NCAM2: variants seen among roughly 807,000 people sequenced by gnomAD.
The protein encoded by NCAM2 is neural cell adhesion molecule 2, also known as N-CAM-2.
In NCAM2, 30 loss-of-function variants were observed where a neutral mutation model predicts 98.1. That is an observed-to-expected ratio of 0.31 (90% confidence interval 0.23 to 0.41). NCAM2 has a LOEUF of 0.41. Ranked by LOEUF, NCAM2 falls within the 10% of genes least tolerant of loss-of-function variation. NCAM2 has a pLI of 1.00. For missense variants in NCAM2, 867 were observed against 1,005.8 expected (o/e 0.86, Z 1.87); for synonymous variants, 368 against 342.4 (o/e 1.07, Z -0.83).
At chr21:21,107,680 C>T (rs1042959355) in intron 1 of NCAM2, among the ~76,000 whole-genome samples, 3 of 152,096 alleles carry the variant, frequency 2.0e-5, no homozygotes, top group Admixed American at 1.3e-4. Context: ...AAGGGGCTTA[C>T]TGTGGTAACT....
In NCAM2 at chr21:21,308,544, G is replaced by C. The variant is rs192305896; in HGVS notation, c.620-15839G>C. On this transcript the variant is annotated intron_variant, in intron 5 of 17. Coordinates refer to ENST00000400546, the MANE Select transcript of NCAM2 (RefSeq NM_004540.5). ...CCAACCAGTCACCCCCAGATTCTTA[G>C]AGATTTTTGCTTTATCGCTTTTCTT... 5.3e-5 allele frequency among the ~76,000 whole-genome samples: 8 copies of C among 152,128 alleles called. No homozygotes were observed. The East Asian group carries it at 1.5e-3, about 29-fold the overall frequency.
chr21:21,424,001 A>G (rs1044826508), intron 11 of NCAM2, among the ~76,000 whole-genome samples: 2 of 152,184 alleles, frequency 1.3e-5, no homozygotes, highest in Non-Finnish European at 1.5e-5. Context: ...CCTTTGCTCC[A>G]TAACACTTGA....
intron 9 of NCAM2, among the ~76,000 whole-genome samples, chr21:21,377,594 A>G (rs573320488): frequency 1.2e-3 from 181 of 152,024 alleles, no homozygotes; most frequent in African/African-American, 4.2e-3. Context: ...AATTGTATCC[A>G]TTTATGGGGT....
At chr21:21,018,008 A>T (rs1568931673) in intron 1 of NCAM2, among the ~76,000 whole-genome samples, 2 of 152,172 alleles carry the variant, frequency 1.3e-5, no homozygotes, top group Non-Finnish European at 2.9e-5. Flanking sequence ...TAGTTTCATT[A>T]GTACTGAAAT....
chr21:21,076,208 A>G (rs182115361), intron 1 of NCAM2, among the ~76,000 whole-genome samples: 3 of 152,238 alleles, frequency 2.0e-5, no homozygotes, highest in Admixed American at 1.3e-4. Context: ...TGAGCTGAAA[A>G]CTTTCTTCTC....
chr21:21,023,087 G>T (rs2064469746), intron 1 of NCAM2, among the ~76,000 whole-genome samples: 1 of 152,228 alleles, frequency 6.6e-6, no homozygotes. Context: ...TGGGAAGTAA[G>T]AAAGATAACT....
chr21:21,136,486 G>C (rs1189260424), intron 1 of NCAM2, among the ~76,000 whole-genome samples: 1 of 150,090 alleles, frequency 6.7e-6, no homozygotes, highest in Admixed American at 6.6e-5. Context: ...TTTGGAGACG[G>C]AGTCTCATTC....
chr21:21,482,375 C>T lies in NCAM2; in HGVS notation c.2077+4904C>T, dbSNP rs551068665. Among the ~76,000 whole-genome samples, 424 of 152,016 alleles carry T rather than the reference C, an allele frequency of 2.8e-3. 5 individuals carry two copies. Among genetic ancestry groups the T allele is most frequent in the Non-Finnish European group, 4.0e-3 (270 of 67,958 alleles). ...TTTTAAAATGAAATATAAATTCAAA[C>T]ATATTAGAAATAAGTTATCTGTAAT... On this transcript the variant is annotated intron_variant, in intron 15 of 17. Coordinates refer to ENST00000400546, the MANE Select transcript of NCAM2 (RefSeq NM_004540.5).
intron 12 of NCAM2, among the ~76,000 whole-genome samples, chr21:21,453,061 A>G (rs1349008945): frequency 7.9e-6 from 1 of 126,264 alleles, no homozygotes; most frequent in Non-Finnish European, 1.6e-5. Context: ...AAAAATATAA[A>G]TATATTTATA....
At chr21:21,051,540 G>T (rs747191990) in intron 1 of NCAM2, among the ~76,000 whole-genome samples, 1 of 152,212 alleles carries the variant, frequency 6.6e-6, no homozygotes, top group South Asian at 2.1e-4. Context: ...AATGCAAATT[G>T]TTTGCAACTC....
intron 16 of NCAM2, among the ~76,000 whole-genome samples, chr21:21,509,544 A>C (rs1379828411): frequency 1.3e-5 from 2 of 152,320 alleles, no homozygotes; most frequent in African/African-American, 4.8e-5. Flanking sequence ...GATATGTGCT[A>C]TAAAATACAA....
At chr21:21,182,971 C>T (rs2068527635) in intron 1 of NCAM2, among the ~76,000 whole-genome samples, 1 of 152,032 alleles carries the variant, frequency 6.6e-6, no homozygotes, top group East Asian at 1.9e-4. Context: ...AAATTTTGAA[C>T]GTGTACTTTT....
In NCAM2 at chr21:21,175,755, A is replaced by G. The variant is rs1391936770; in HGVS notation, c.56-104823A>G. Among the ~76,000 whole-genome samples the G allele has an allele frequency of 2.0e-5, 3 of 152,214 alleles. No individual in the cohort carries two copies. In the East Asian group the frequency reaches 5.8e-4, roughly 30 times the overall value. ...TTATTCAGAGAAGGAAGCCATGGAG[A>G]GAAGAGATTTGTGAAGTAAAATTCA... On this transcript the variant is annotated intron_variant, in intron 1 of 17. Transcript: ENST00000400546.
At position 21,508,892 on chromosome 21, in the gene NCAM2, C is replaced by T; in HGVS notation, c.2119C>T (p.Leu707=). Residue 707 remains leucine, a synonymous_variant, in exon 16 of 18, where the codon CTG becomes TTG. Transcript: ENST00000400546. ...NGLGLGAVIG[L]GVAALLLILV... ...TCTTGGGCTTGGAGCAGTAATTGGC[C>T]TGGGAGTTGCTGCACTGCTGCTAAT... 1 of 1,483,950 alleles carries T rather than the reference C, an allele frequency of 6.7e-7. No homozygotes were observed. The highest frequency in any genetic ancestry group is 1.9e-4 in the Middle Eastern group (1 of 5,304). The allele number at this position is 1,483,950 out of a possible 1,614,324, so 91.9% of individuals were successfully genotyped here. A position where few individuals can be genotyped will look rare whatever the true frequency, so the allele number is the denominator to read the frequency against.
intron 1 of NCAM2, among the ~76,000 whole-genome samples, chr21:21,202,746 T>A (rs939181842): frequency 6.6e-6 from 1 of 152,190 alleles, no homozygotes; most frequent in Non-Finnish European, 1.5e-5. Context: ...TAAAAAGTAA[T>A]TAATTTTGAA....
intron 1 of NCAM2, among the ~76,000 whole-genome samples, chr21:21,015,018 G>A (rs1808627107): frequency 6.6e-6 from 1 of 152,168 alleles, no homozygotes; most frequent in South Asian, 2.1e-4. Context: ...AGTGGAGCTT[G>A]CAGATGGGAC....
At chr21:21,217,277 C>T (rs982453243) in intron 1 of NCAM2, among the ~76,000 whole-genome samples, 1 of 152,058 alleles carries the variant, frequency 6.6e-6, no homozygotes, top group African/African-American at 2.4e-5. Context: ...AGGTAAATTA[C>T]GTATAGTGGT....
At chr21:21,040,497 A>G (rs1425861815) in intron 1 of NCAM2, among the ~76,000 whole-genome samples, 4 of 152,122 alleles carry the variant, frequency 2.6e-5, no homozygotes, top group Non-Finnish European at 4.4e-5. Flanking sequence ...AAATGATGCA[A>G]TATTCTATAG....
chr21:21,405,427 A>G (rs1249284028), intron 9 of NCAM2, among the ~76,000 whole-genome samples: 1 of 152,134 alleles, frequency 6.6e-6, no homozygotes, highest in African/African-American at 2.4e-5. Context: ...TATAGAACCT[A>G]ACTTTGGCGA....
Sources: allele counts gnomAD v4.1 joint callset (sites outside exome capture counted in the v4.1 genomes callset), GRCh38; gene constraint gnomAD v4.1.1; transcripts MANE v1.5; gene names NCBI Gene and HGNC (gene_info 2026-07-23, HGNC 2026-07-21).